MCTP2: variants seen among roughly 807,000 people sequenced by gnomAD.
MCTP2 encodes multiple C2 and transmembrane domain containing 2, also known as multiple C2 and transmembrane domain-containing protein 2.
MCTP2 carries 132 observed loss-of-function variants against 111.6 expected under a neutral mutation model. The ratio of observed to expected loss-of-function variants is 1.18; its 90% confidence interval spans 1.03 to 1.37. The LOEUF is 1.37. Among genes scored for constraint, MCTP2 ranks in the 40% most tolerant of loss-of-function variants. MCTP2 has a pLI of 0.00. For synonymous variants in MCTP2, 395 were observed against 387.7 expected (o/e 1.02, Z -0.22); for missense variants, 1,183 against 1,067.9 (o/e 1.11, Z -1.50).
At chr15:94,453,427 T>G (rs1254111711) in intron 19 of MCTP2, among the ~76,000 whole-genome samples, 1 of 152,214 alleles carries the variant, frequency 6.6e-6, no homozygotes, top group Admixed American at 6.5e-5. Context: ...AAGCATGTGA[T>G]GTCTACCGGC....
intron 11 of MCTP2, among the ~76,000 whole-genome samples, chr15:94,368,827 A>C (rs994332048): frequency 6.6e-6 from 1 of 152,240 alleles, no homozygotes; most frequent in Non-Finnish European, 1.5e-5. Context: ...TTGTGTGTTT[A>C]TAAAGGAACA....
chr15:94,476,911 C>A, intron 22 of MCTP2, 118 bp downstream of exon 22: 1 of 642,342 alleles, frequency 1.6e-6, no homozygotes, highest in South Asian at 1.9e-5. Context: ...ACCAGAAAAT[C>A]CTTAAAGAGG....
At chr15:94,461,391 C>T (rs1050671299) in intron 20 of MCTP2, among the ~76,000 whole-genome samples, 22 of 152,146 alleles carry the variant, frequency 1.4e-4, no homozygotes, top group East Asian at 7.7e-4. Context: ...ACCTGGGAGG[C>T]GGAGGTTGCA....
At chr15:94,376,468 A>C (rs2152445268) in intron 12 of MCTP2, among the ~76,000 whole-genome samples, 1 of 152,342 alleles carries the variant, frequency 6.6e-6, no homozygotes, top group East Asian at 1.9e-4. Flanking sequence ...TCTCCCACAT[A>C]CTGGCCTTAG....
intron 1 of MCTP2, among the ~76,000 whole-genome samples, chr15:94,244,654 G>A (rs2071600381): frequency 1.4e-5 from 2 of 144,846 alleles, no homozygotes; most frequent in African/African-American, 5.3e-5. Context: ...AAACGTATAT[G>A]TATACACATA....
chr15:94,457,416 A>G (rs1179443593), intron 19 of MCTP2, among the ~76,000 whole-genome samples: 1 of 152,220 alleles, frequency 6.6e-6, no homozygotes, highest in East Asian at 1.9e-4. Context: ...AGAAAGCTGA[A>G]TTCCATTTCA....
chr15:94,429,478 C>G (rs2083061338), intron 17 of MCTP2, among the ~76,000 whole-genome samples: 1 of 152,186 alleles, frequency 6.6e-6, no homozygotes, highest in Non-Finnish European at 1.5e-5. Context: ...CATTTCAAGT[C>G]ACCAATGACC....
chr15:94,436,592 C>T (rs572134572), intron 17 of MCTP2, among the ~76,000 whole-genome samples: 1 of 152,132 alleles, frequency 6.6e-6, no homozygotes, highest in African/African-American at 2.4e-5. Flanking sequence ...TAAGTATTCC[C>T]GATAGAGGCC....
chr15:94,318,123 G>A (rs76836724), intron 4 of MCTP2, among the ~76,000 whole-genome samples: 3,665 of 152,148 alleles, frequency 0.024, 164 homozygotes, highest in African/African-American at 0.082. Context: ...GGTTACTTTT[G>A]TCAAAAATGA....
At chr15:94,245,462 A>T (rs1290897543) in intron 1 of MCTP2, among the ~76,000 whole-genome samples, 1 of 139,814 alleles carries the variant, frequency 7.2e-6, no homozygotes, top group African/African-American at 2.6e-5. Context: ...ATATGTATTT[A>T]TATACATATA....
Position 94,399,062 on chromosome 15 carries a change from G to A in MCTP2, c.1890G>A (p.Pro630=), listed in dbSNP as rs372453427. Residue 630 remains proline (P), a splice_region_variant and synonymous_variant, in exon 15 of 23, where the codon CCG becomes CCA. Transcript: ENST00000357742. ...IYLEMDLIYN[P]VKASIRTFTP... Reference sequence around the variant, plus strand: ...TAGAGATGGACCTTATATATAATCCGGTAAGTCTAGCTGGGTCATACTTCC... The same window carrying A: ...TAGAGATGGACCTTATATATAATCCAGTAAGTCTAGCTGGGTCATACTTCC... 26 of 1,452,036 alleles carry A rather than the reference G, an allele frequency of 1.8e-5. No homozygotes were observed. The highest frequency in any genetic ancestry group is 4.2e-5 in the African/African-American group (3 of 71,588). The allele number at this position is 1,452,036 out of a possible 1,614,324, so 89.9% of individuals were successfully genotyped here. A position where few individuals can be genotyped will look rare whatever the true frequency, so the allele number is the denominator to read the frequency against.
At chr15:94,299,776 A>G (rs924511479) in intron 2 of MCTP2, among the ~76,000 whole-genome samples, 3 of 152,140 alleles carry the variant, frequency 2.0e-5, no homozygotes, top group Non-Finnish European at 4.4e-5. Flanking sequence ...TTTTAGTTTC[A>G]CTTTTAGAAA....
chr15:94,328,035 A>G (rs2076958017), intron 4 of MCTP2, among the ~76,000 whole-genome samples: 1 of 152,106 alleles, frequency 6.6e-6, no homozygotes, highest in Non-Finnish European at 1.5e-5. Flanking sequence ...CACCCAACCA[A>G]ACATCATTGG....
At chr15:94,407,000 C>G (rs1401561716) in intron 17 of MCTP2, among the ~76,000 whole-genome samples, 2 of 151,580 alleles carry the variant, frequency 1.3e-5, no homozygotes, top group East Asian at 1.9e-4. Flanking sequence ...GTGGGGATCT[C>G]TATTTTATAT....
intron 1 of MCTP2, among the ~76,000 whole-genome samples, chr15:94,275,475 A>G (rs951307590): frequency 3.0e-4 from 45 of 152,330 alleles, no homozygotes; most frequent in African/African-American, 1.0e-3. Context: ...AAATGTCTAT[A>G]CTGAAAATTT....
chr15:94,380,212 A>G (rs2080053785), intron 12 of MCTP2, among the ~76,000 whole-genome samples: 1 of 152,154 alleles, frequency 6.6e-6, no homozygotes, highest in Non-Finnish European at 1.5e-5. Flanking sequence ...CCTTAAGTGA[A>G]TATGCATGCT....
chr15:94,402,792 A>T (rs1455402898), intron 17 of MCTP2: 15 of 1,403,954 alleles, frequency 1.1e-5, no homozygotes, highest in Non-Finnish European at 6.5e-6. Flanking sequence ...ATTTGGTATC[A>T]TGCCATTCAT....
At chr15:94,321,095 C>T (rs1361855743) in intron 4 of MCTP2, among the ~76,000 whole-genome samples, 3 of 152,008 alleles carry the variant, frequency 2.0e-5, no homozygotes, top group East Asian at 1.9e-4. Flanking sequence ...TTCTGACTCA[C>T]GTGTGAGCTA....
At chr15:94,293,509 G>A (rs1320834815) in intron 1 of MCTP2, among the ~76,000 whole-genome samples, 3 of 152,172 alleles carry the variant, frequency 2.0e-5, no homozygotes, top group Non-Finnish European at 2.9e-5. Context: ...TGATAATACT[G>A]GGTTTTTCAG....
Sources: gnomAD v4.1 joint callset for allele counts (sites outside exome capture counted in the v4.1 genomes callset) on GRCh38, gnomAD v4.1.1 for gene constraint, MANE v1.5 for transcripts, NCBI Gene and HGNC (gene_info 2026-07-23, HGNC 2026-07-21) for gene names.